FAR1: variants seen among roughly 807,000 people sequenced by gnomAD.
FAR1 encodes the protein fatty acyl-CoA reductase 1, also known as male sterility domain-containing protein 2.
In FAR1, 22 loss-of-function variants were observed where a neutral mutation model predicts 61.1. The observed-to-expected ratio is 0.36, with a 90% CI of 0.26 to 0.51. FAR1 has a LOEUF of 0.51. Ranked by LOEUF, FAR1 falls within the 20% of genes least tolerant of loss-of-function variation. FAR1 has a pLI of 0.95. For missense variants in FAR1, 359 were observed against 626.9 expected, an observed-to-expected ratio of 0.57 and a Z score of 4.56; for synonymous variants, 206 against 209.7, an observed-to-expected ratio of 0.98 and a Z score of 0.15.
chr11:13,688,244 T>G (rs1445230746), intron 1 of FAR1, among the ~76,000 whole-genome samples: 1 of 111,072 alleles, frequency 9.0e-6, no homozygotes, highest in Admixed American at 8.5e-5. Context: ...TGGGAATTGT[T>G]TTTTTTTCCC....
At chr11:13,704,044 CA>C (rs55995847) in intron 3 of FAR1, among the ~76,000 whole-genome samples, 32,022 of 79,644 alleles carry the variant, frequency 0.4, 3,190 homozygotes, top group South Asian at 0.44. Context: ...AACTCCGTCT[CA>C]AAAAAAAAAA....
chr11:13,669,092 T>C (rs1465312006), intron 1 of FAR1, among the ~76,000 whole-genome samples: 1 of 151,852 alleles, frequency 6.6e-6, no homozygotes, highest in Non-Finnish European at 1.5e-5. Context: ...GGGAGCCGCC[T>C]GGGGTGGGAG....
intron 1 of FAR1, among the ~76,000 whole-genome samples, chr11:13,683,082 G>A (rs1461698322): frequency 1.9e-4 from 29 of 152,134 alleles, no homozygotes; most frequent in Admixed American, 1.9e-3. Flanking sequence ...ATAAGATAAT[G>A]AGATAAGCAG....
At chr11:13,712,663 C>G (rs1848512910) in intron 7 of FAR1, among the ~76,000 whole-genome samples, 1 of 151,794 alleles carries the variant, frequency 6.6e-6, no homozygotes, top group South Asian at 2.1e-4. Context: ...ACAAGAAGAG[C>G]TGAGGTCATT....
chr11:13,718,909 A>G (rs1315280167), intron 9 of FAR1, among the ~76,000 whole-genome samples: 7 of 152,104 alleles, frequency 4.6e-5, no homozygotes, highest in Admixed American at 4.6e-4. Context: ...TGGCCTCTCC[A>G]TATGGACTAG....
intron 1 of FAR1, among the ~76,000 whole-genome samples, chr11:13,691,417 A>G (rs945231709): frequency 3.9e-5 from 6 of 152,330 alleles, no homozygotes; most frequent in East Asian, 1.9e-4. Context: ...TAAGTGAGCA[A>G]TTCAGTGGCA....
At chr11:13,716,935 T>TC (rs1293991410) in intron 9 of FAR1, among the ~76,000 whole-genome samples, 1 of 92,102 alleles carries the variant, frequency 1.1e-5, no homozygotes, top group African/African-American at 4.2e-5. Flanking sequence ...ATGGTATCCC[T>TC]CCCCCCTCCC....
intron 2 of FAR1, among the ~76,000 whole-genome samples, chr11:13,699,205 T>C (rs915300616): frequency 3.3e-5 from 5 of 152,326 alleles, no homozygotes; most frequent in Admixed American, 1.3e-4. Context: ...GTTTCTCCTA[T>C]GCAGGCCCGT....
Position 13,722,757 on chromosome 11 carries a change from G to A in FAR1, c.1257+898G>A, listed in dbSNP as rs966838173. Among the ~76,000 whole-genome samples the A allele has an allele frequency of 5.3e-5, 8 of 152,066 alleles. No individual in the cohort carries two copies. In the South Asian group the frequency reaches 8.3e-4, roughly 16 times the overall value. ...CTCCCCAAGTGCTGGGATTACAGGC[G>A]TGAGCCATCACACCCGGCACAGTTC... On this transcript the variant is annotated intron_variant, in intron 10 of 11. Transcript: ENST00000354817.
rs773262972 is a variant in FAR1, at chr11:13,719,444, C to T, written c.1128-2286C>T. Reference sequence around the variant, plus strand: ...ATAGACTTTACACCTTATATTGGGGCCTTACTATGATGCCTAATTCTACAT... The same window carrying T: ...ATAGACTTTACACCTTATATTGGGGTCTTACTATGATGCCTAATTCTACAT... On this transcript the variant is annotated intron_variant, in intron 9 of 11. Transcript: ENST00000354817. Among the ~76,000 whole-genome samples, 165 of 152,150 alleles carry T rather than the reference C, an allele frequency of 1.1e-3. 1 individual carries two copies. Among genetic ancestry groups the T allele is most frequent in the Non-Finnish European group, 2.6e-4 (18 of 67,992 alleles).
intron 8 of FAR1, among the ~76,000 whole-genome samples, chr11:13,713,660 G>A (rs1436385128): frequency 1.3e-5 from 2 of 152,044 alleles, no homozygotes; most frequent in East Asian, 1.9e-4. Flanking sequence ...CATTGATTTA[G>A]TGATAGGTCT....
chr11:13,708,504 T>A lies in FAR1; in HGVS notation c.545+425T>A, dbSNP rs993411075. ...ACATTTATCTCTTTTCTTCAAAAAT[T>A]TTTGCATATCCCCTGCATTCTTATT... is the stretch of plus-strand genomic sequence containing the variant. On this transcript the variant is annotated intron_variant, in intron 4 of 11. Coordinates refer to ENST00000354817, the MANE Select transcript of FAR1 (RefSeq NM_032228.6). Among the ~76,000 whole-genome samples the A allele has an allele frequency of 5.3e-5, 8 of 150,322 alleles. No individual in the cohort carries two copies. In the South Asian group the frequency reaches 1.5e-3, roughly 28 times the overall value.
intron 2 of FAR1, among the ~76,000 whole-genome samples, chr11:13,698,072 A>G (rs1259944114): frequency 6.6e-6 from 1 of 152,156 alleles, no homozygotes; most frequent in Non-Finnish European, 1.5e-5. Flanking sequence ...TTGATAGTCC[A>G]GCTCTCTCCC....
intron 9 of FAR1, among the ~76,000 whole-genome samples, chr11:13,719,145 C>T (rs1391623481): frequency 6.6e-6 from 1 of 152,020 alleles, no homozygotes; most frequent in African/African-American, 2.4e-5. Context: ...TGTAGGTGGG[C>T]ATGTAGGATG....
At chr11:13,681,439 C>G (rs1036341528) in intron 1 of FAR1, among the ~76,000 whole-genome samples, 1 of 152,202 alleles carries the variant, frequency 6.6e-6, no homozygotes, top group Non-Finnish European at 1.5e-5. Context: ...TAACTGTTCT[C>G]TCATTCTGAG....
intron 10 of FAR1, among the ~76,000 whole-genome samples, chr11:13,724,395 G>A (rs1261096775): frequency 1.3e-5 from 2 of 151,278 alleles, no homozygotes; most frequent in East Asian, 1.9e-4. Flanking sequence ...AAAAAAAAAA[G>A]AAAAATTAGC....
chr11:13,712,205 A>G lies in FAR1; in HGVS notation c.887+159A>G, dbSNP rs1037942843. 3.7e-5 allele frequency: 22 copies of G among 588,722 alleles called. No individual in the cohort carries two copies. The African/African-American group carries it at 3.9e-4, about 10-fold the overall frequency. 36.5% of individuals were successfully genotyped at this position (588,722 alleles called of 1,614,324 possible). A position where few individuals can be genotyped will look rare whatever the true frequency, so the allele number is the denominator to read the frequency against. ...CCAAGAGTTGGTATTATCACAGACA[A>G]TAGCAAGTGCTCCCATCAGTAGTAA... On this transcript the variant is annotated intron_variant, in intron 7 of 11. Coordinates refer to ENST00000354817, the MANE Select transcript of FAR1 (RefSeq NM_032228.6).
At chr11:13,700,825 G>C (rs1297465001) in intron 3 of FAR1, among the ~76,000 whole-genome samples, 1 of 152,034 alleles carries the variant, frequency 6.6e-6, no homozygotes, top group African/African-American at 2.4e-5. Flanking sequence ...TACCCCAGCA[G>C]CTTTATTCTT....
In FAR1 at chr11:13,712,007, A is replaced by G; in HGVS notation, c.848A>G (p.Asn283Ser). Reference protein sequence around the residue: ...ADLVPVDVVVNMSLAAAWYSG... With the variant: ...ADLVPVDVVVSMSLAAAWYSG... ...CTTGTTCCTGTAGATGTAGTTGTCA[A>G]CATGAGTCTTGCGGCAGCCTGGTAT... Residue 283 changes from asparagine to serine, a missense_variant, in exon 7 of 12, where the codon AAC becomes AGC. Physicochemically the swap from Asn to Ser is conservative, Grantham distance 46 (BLOSUM62 1). Coordinates refer to ENST00000354817, the MANE Select transcript of FAR1 (RefSeq NM_032228.6). 5 of 1,613,430 alleles carry G rather than the reference A, an allele frequency of 3.1e-6. No homozygotes were observed. Among genetic ancestry groups the G allele is most frequent in the Non-Finnish European group, 4.2e-6 (5 of 1,179,484 alleles).
Sources: gnomAD v4.1 joint callset for allele counts (sites outside exome capture counted in the v4.1 genomes callset) on GRCh38, gnomAD v4.1.1 for gene constraint, MANE v1.5 for transcripts, NCBI Gene and HGNC (gene_info 2026-07-23, HGNC 2026-07-21) for gene names.